The following UNC13C variants were observed in gnomAD, a reference collection of about 807,000 sequenced individuals.
UNC13C encodes protein unc-13 homolog C.
A neutral mutation model predicts 245.4 loss-of-function variants in UNC13C; 174 were observed. That is an observed-to-expected ratio of 0.71 (90% confidence interval 0.63 to 0.80). The LOEUF is 0.80. Among genes scored for constraint, UNC13C ranks in the 30% least tolerant of loss-of-function variants. UNC13C has a pLI of 0.00. For synonymous variants in UNC13C, 992 were observed against 895.1 expected (o/e 1.11, Z -1.93); for missense variants, 2,829 against 2,602.9 (o/e 1.09, Z -1.89).
intron 23 of UNC13C, among the ~76,000 whole-genome samples, chr15:54,511,277 A>G (rs1894726060): frequency 6.6e-6 from 1 of 152,154 alleles, no homozygotes; most frequent in Non-Finnish European, 1.5e-5. Flanking sequence ...CAGAAGAAAA[A>G]CACTTCGAAT....
At chr15:54,330,799 A>G (rs961247743) in intron 14 of UNC13C, among the ~76,000 whole-genome samples, 1 of 151,990 alleles carries the variant, frequency 6.6e-6, no homozygotes, top group South Asian at 2.1e-4. Context: ...AAGACGTTCA[A>G]CTCATCTGTA....
At chr15:54,075,578 A>G (rs1898569048) in intron 2 of UNC13C, among the ~76,000 whole-genome samples, 1 of 137,292 alleles carries the variant, frequency 7.3e-6, no homozygotes, top group African/African-American at 2.7e-5. Flanking sequence ...AAAAAAAAAA[A>G]GGAGTGTCCA....
chr15:54,216,194 C>T (rs961438083), intron 4 of UNC13C, among the ~76,000 whole-genome samples: 4 of 151,802 alleles, frequency 2.6e-5, no homozygotes, highest in Non-Finnish European at 4.4e-5. Context: ...CCTGGAGCCC[C>T]GATTATGTCT....
intron 29 of UNC13C, among the ~76,000 whole-genome samples, chr15:54,559,607 G>A (rs1897221806): frequency 6.6e-6 from 1 of 151,944 alleles, no homozygotes; most frequent in South Asian, 2.1e-4. Context: ...AACATCTATA[G>A]TCAGCAAAAT....
At chr15:54,629,689 A>ACTT (rs1901407170), downstream of UNC13C, 1 of 152,152 alleles carries the variant, frequency 6.6e-6, no homozygotes, top group Admixed American at 6.5e-5. Flanking sequence ...CAGAACATTG[A>ACTT]CTTAAGCTCT....
Position 54,534,077 on chromosome 15 carries a change from G to A in UNC13C, c.5696+1011G>A, listed in dbSNP as rs181507279. Among the ~76,000 whole-genome samples the A allele has an allele frequency of 1.8e-3, 281 of 152,282 alleles. 1 individual carries two copies. The highest frequency in any genetic ancestry group is 3.2e-3 in the Non-Finnish European group (216 of 68,010). On this transcript the variant is annotated intron_variant, in intron 26 of 32. Transcript: ENST00000260323. ...AGACAAGGACAACAGTCACCCCACT[G>A]TGCTGCTGCTGCCACCAGCACACGT...
At chr15:54,108,419 C>T (rs1194277868) in intron 2 of UNC13C, among the ~76,000 whole-genome samples, 1 of 152,116 alleles carries the variant, frequency 6.6e-6, no homozygotes, top group Non-Finnish European at 1.5e-5. Flanking sequence ...AGTCTCCTGA[C>T]CTCATGATCC....
intron 26 of UNC13C, among the ~76,000 whole-genome samples, chr15:54,539,606 A>G (rs1392482439): frequency 6.6e-6 from 1 of 152,032 alleles, no homozygotes; most frequent in Non-Finnish European, 1.5e-5. Flanking sequence ...AGCGATCCCA[A>G]TTCACTTCAA....
chr15:54,453,726 C>T (rs187728692), intron 19 of UNC13C, among the ~76,000 whole-genome samples: 1 of 152,254 alleles, frequency 6.6e-6, no homozygotes, highest in East Asian at 1.9e-4. Context: ...TCACTGCCAC[C>T]AGCTATAAAT....
chr15:54,332,188 C>T (rs1224774126), intron 15 of UNC13C, 77 bp downstream of exon 15: 1 of 982,586 alleles, frequency 1.0e-6, no homozygotes, highest in Non-Finnish European at 1.5e-6. Context: ...TAAAAATTAC[C>T]CATCATGTAA....
intron 1 of UNC13C, among the ~76,000 whole-genome samples, chr15:53,999,785 G>T (rs1035731135): frequency 6.6e-6 from 1 of 151,880 alleles, no homozygotes; most frequent in Non-Finnish European, 1.5e-5. Flanking sequence ...GGGGGGTTTT[G>T]ACCCATGGAT....
chr15:54,045,104 T>C (rs1896976931), intron 2 of UNC13C, among the ~76,000 whole-genome samples: 1 of 152,120 alleles, frequency 6.6e-6, no homozygotes, highest in Non-Finnish European at 1.5e-5. Context: ...CAATTTTTTC[T>C]TTTTTTGCTT....
At chr15:54,546,673 C>T in intron 26 of UNC13C, 49 bp from the exon 27 acceptor site, 1 of 1,224,230 alleles carries the variant, frequency 8.2e-7, no homozygotes, top group African/African-American at 1.7e-5. Flanking sequence ...TAAATTGATA[C>T]CTTGATCTGA....
chr15:54,238,860 C>T (rs2035777337), intron 7 of UNC13C, among the ~76,000 whole-genome samples: 2 of 152,124 alleles, frequency 1.3e-5, no homozygotes, highest in Non-Finnish European at 2.9e-5. Flanking sequence ...TTCTTAAATC[C>T]GGCTCACTGG....
intron 28 of UNC13C, among the ~76,000 whole-genome samples, chr15:54,554,739 T>C (rs918289958): frequency 6.6e-6 from 1 of 152,052 alleles, no homozygotes; most frequent in East Asian, 1.9e-4. Context: ...ATTTTTAAAT[T>C]TTTCCCTTAG....
Position 54,491,924 on chromosome 15 carries a change from G to A in UNC13C, c.4934-2684G>A, listed in dbSNP as rs140140267. Among the ~76,000 whole-genome samples, 207 of 150,106 alleles carry A rather than the reference G, an allele frequency of 1.4e-3. 3 individuals are homozygous for A. In the East Asian group the frequency reaches 0.038, roughly 28 times the overall value. ...GGAGAATGGTGTCAACCCGGGAGGC[G>A]GAGCTTGTAGTAAGCCGAGATCACA... On this transcript the variant is annotated intron_variant, in intron 19 of 32. Coordinates refer to ENST00000260323, the MANE Select transcript of UNC13C (RefSeq NM_001080534.3).
chr15:53,974,734 A>C (rs528826826), upstream of UNC13C: 5 of 51,018 alleles, frequency 9.8e-5, no homozygotes, highest in Non-Finnish European at 2.4e-4. Context: ...AAAAGTCAAA[A>C]GCACTTTTTT....
intron 26 of UNC13C, among the ~76,000 whole-genome samples, chr15:54,541,316 C>A (rs566692257): frequency 6.6e-6 from 1 of 152,068 alleles, no homozygotes; most frequent in South Asian, 2.1e-4. Flanking sequence ...TTAAAAACAG[C>A]CAAATGTGTC....
At chr15:54,094,512 A>T (rs974495178) in intron 2 of UNC13C, among the ~76,000 whole-genome samples, 1 of 152,170 alleles carries the variant, frequency 6.6e-6, no homozygotes, top group Non-Finnish European at 1.5e-5. Context: ...GTGTCTTTCA[A>T]CAAGCTAGAC....
Sources: gnomAD v4.1 joint callset for allele counts (sites outside exome capture counted in the v4.1 genomes callset) on GRCh38, gnomAD v4.1.1 for gene constraint, MANE v1.5 for transcripts, NCBI Gene and HGNC (gene_info 2026-07-23, HGNC 2026-07-21) for gene names.